PCDH11X: variants seen among roughly 807,000 people sequenced by gnomAD.
The protein encoded by PCDH11X is protocadherin-11 X-linked.
PCDH11X carries 18 observed loss-of-function variants against 53.3 expected under a neutral mutation model. That is an observed-to-expected ratio of 0.34 (90% confidence interval 0.23 to 0.50). PCDH11X has a LOEUF of 0.50. Among genes scored for constraint, PCDH11X ranks in the 20% least tolerant of loss-of-function variants. PCDH11X has a pLI of 0.98. For synonymous variants in PCDH11X, 279 were observed against 393.3 expected, an observed-to-expected ratio of 0.71 and a Z score of 3.44; for missense variants, 570 against 1,032.4, an observed-to-expected ratio of 0.55 and a Z score of 6.14.
intron 10 of PCDH11X, among the ~76,000 whole-genome samples, chrX:92,577,477 AT>A (rs372379323): frequency 9.2e-6 from 1 of 108,978 alleles, no homozygotes; most frequent in Non-Finnish European, 1.9e-5. Context: ...TATTTTATTA[AT>A]TTTTTTCAAA....
At chrX:92,378,328 A>G (rs980793631) in intron 8 of PCDH11X, among the ~76,000 whole-genome samples, 1 of 109,169 alleles carries the variant, frequency 9.2e-6, no homozygotes, top group Non-Finnish European at 1.9e-5. Context: ...GGAGATGTCT[A>G]TAGAATAAAA....
chrX:91,943,329 A>C (rs2061532504), intron 6 of PCDH11X, among the ~76,000 whole-genome samples: 2 of 110,094 alleles, frequency 1.8e-5, no homozygotes, highest in African/African-American at 6.6e-5. Flanking sequence ...GGGGGCTATT[A>C]ACACGTGAGA....
intron 10 of PCDH11X, among the ~76,000 whole-genome samples, chrX:92,604,787 C>A (rs1315754380): frequency 2.8e-5 from 3 of 108,822 alleles, no homozygotes; most frequent in East Asian, 5.7e-4. Flanking sequence ...GCTGAAGTGA[C>A]TACACTAATA....
At chrX:92,152,795 G>GTATGTATT (rs758903864) in intron 6 of PCDH11X, among the ~76,000 whole-genome samples, 822 of 76,627 alleles carry the variant, frequency 0.011, 18 homozygotes, top group East Asian at 0.054. Flanking sequence ...ATGTATGTAT[G>GTATGTATT]TATTTATTTA....
intron 10 of PCDH11X, among the ~76,000 whole-genome samples, chrX:92,500,347 A>C (rs1452790129): frequency 9.0e-6 from 1 of 111,550 alleles, no homozygotes; most frequent in East Asian, 2.8e-4. Flanking sequence ...CCCTTTCCAC[A>C]ACATCAATTT....
intron 10 of PCDH11X, among the ~76,000 whole-genome samples, chrX:92,593,190 T>C (rs1476299180): frequency 2.7e-5 from 3 of 110,943 alleles, no homozygotes; most frequent in Non-Finnish European, 5.7e-5. Flanking sequence ...TTTAAGGTAA[T>C]AAACGGCTTC....
chrX:91,895,371 A>G (rs1176074759), intron 6 of PCDH11X, among the ~76,000 whole-genome samples: 3 of 111,597 alleles, frequency 2.7e-5, no homozygotes, highest in South Asian at 7.5e-4. Context: ...AGATTGAGAC[A>G]GGGAGAGGGT....
intron 10 of PCDH11X, among the ~76,000 whole-genome samples, chrX:92,584,149 T>G (rs1201902328): frequency 2.7e-5 from 3 of 110,515 alleles, no homozygotes; most frequent in Admixed American, 9.7e-5. Flanking sequence ...GAGTAAATAT[T>G]AAAACTTTAA....
intron 1 of PCDH11X, among the ~76,000 whole-genome samples, chrX:91,796,647 G>A (rs183814751): frequency 1.1e-3 from 122 of 111,316 alleles, no homozygotes; most frequent in Non-Finnish European, 1.9e-3. Flanking sequence ...AAAAACCCAA[G>A]TTCATTTTGA....
chrX:92,446,748 C>T (rs1256262205), intron 9 of PCDH11X, among the ~76,000 whole-genome samples: 1 of 111,337 alleles, frequency 9.0e-6, no homozygotes, highest in Non-Finnish European at 1.9e-5. Flanking sequence ...GAAAAGATAC[C>T]CGAAAATGTG....
chrX:91,932,164 G>GT lies in PCDH11X; in HGVS notation c.3033+52900dup, dbSNP rs200556642. 3.1e-3 allele frequency among the ~76,000 whole-genome samples: 339 copies of GT among 107,671 alleles called. 1 individual carries two copies. The highest frequency in any genetic ancestry group is 9.7e-3 in the African/African-American group (288 of 29,702). 93.5% of individuals were successfully genotyped at this position (107,671 alleles called of 115,157 possible). On this transcript the variant is annotated intron_variant, in intron 6 of 10. Transcript: ENST00000682573. ...GTCCCTGCAAAGGACGTGATGTCATGTTTTTTTTTAATGGCTGCATAGTAT... is the reference window on the plus strand; with the variant it reads ...GTCCCTGCAAAGGACGTGATGTCATGTTTTTTTTTTAATGGCTGCATAGTAT...
At chrX:92,099,111 T>G (rs1418359942) in intron 6 of PCDH11X, among the ~76,000 whole-genome samples, 1 of 111,495 alleles carries the variant, frequency 9.0e-6, no homozygotes, top group Non-Finnish European at 1.9e-5. Context: ...CTCTCCTGTC[T>G]TAATCATATT....
chrX:92,286,111 A>G (rs185980609), intron 8 of PCDH11X, among the ~76,000 whole-genome samples: 225 of 110,347 alleles, frequency 2.0e-3, no homozygotes, highest in Non-Finnish European at 3.2e-3. Flanking sequence ...GCCATCACGA[A>G]TATGTCACAG....
intron 6 of PCDH11X, among the ~76,000 whole-genome samples, chrX:91,881,589 C>G (rs1208544714): frequency 9.0e-6 from 1 of 111,702 alleles, no homozygotes. Flanking sequence ...TTTTGTGCTA[C>G]ATTTGCAATG....
At chrX:92,112,178 G>A (rs1223849020) in intron 6 of PCDH11X, among the ~76,000 whole-genome samples, 1 of 107,809 alleles carries the variant, frequency 9.3e-6, no homozygotes, top group Non-Finnish European at 1.9e-5. Context: ...AATTTCATAA[G>A]AGAGAGTATA....
At chrX:91,899,557 AC>A (rs1348517242) in intron 6 of PCDH11X, among the ~76,000 whole-genome samples, 1 of 104,159 alleles carries the variant, frequency 9.6e-6, no homozygotes, top group African/African-American at 3.5e-5. Context: ...TTCAACTTGA[AC>A]CCATATACAT....
chrX:92,215,156 T>C (rs1178750410), intron 7 of PCDH11X, among the ~76,000 whole-genome samples: 2 of 110,747 alleles, frequency 1.8e-5, no homozygotes, highest in Non-Finnish European at 3.8e-5. Flanking sequence ...CATTTCCATC[T>C]GAGGTACCGG....
intron 6 of PCDH11X, among the ~76,000 whole-genome samples, chrX:92,146,278 C>T (rs1262960770): frequency 3.6e-5 from 4 of 110,578 alleles, no homozygotes; most frequent in Non-Finnish European, 7.6e-5. Context: ...TCTTTCCTTT[C>T]TCCCTGGGAG....
In PCDH11X at chrX:92,481,179, G is replaced by A. The variant is rs770719129; in HGVS notation, c.3367+12857G>A. ...CAGGGGCAGGGGCCTGGTAAAGGTGGGGCTGCTGGGCTCTGTGCCCACCAA... is the reference window on the plus strand; with the variant it reads ...CAGGGGCAGGGGCCTGGTAAAGGTGAGGCTGCTGGGCTCTGTGCCCACCAA... On this transcript the variant is annotated intron_variant, in intron 10 of 10. Coordinates refer to ENST00000682573, the MANE Select transcript of PCDH11X (RefSeq NM_032968.5). Among the ~76,000 whole-genome samples the A allele has an allele frequency of 3.6e-5, 4 of 110,481 alleles. No homozygotes were observed. The East Asian group carries it at 8.7e-4, about 24-fold the overall frequency.
Sources: gnomAD v4.1 joint callset for allele counts (sites outside exome capture counted in the v4.1 genomes callset) on GRCh38, gnomAD v4.1.1 for gene constraint, MANE v1.5 for transcripts, NCBI Gene and HGNC (gene_info 2026-07-23, HGNC 2026-07-21) for gene names.